Variants in GMDS observed in about 807,000 individuals in gnomAD.
The protein encoded by GMDS is GDP-mannose 4,6-dehydratase, also known as GDP-mannose 4,6 dehydratase.
A neutral mutation model predicts 49.9 loss-of-function variants in GMDS; 20 were observed. That is an observed-to-expected ratio of 0.40 (90% CI 0.28 to 0.58). GMDS has a LOEUF of 0.58. Ranked by LOEUF, GMDS falls within the 20% of genes least tolerant of loss-of-function variation. The probability of loss-of-function intolerance (pLI) is 0.42; values close to 1 mark genes in which losing one functional copy is unlikely to be tolerated. For missense variants in GMDS, 362 were observed against 481.4 expected (o/e 0.75, Z 2.32); for synonymous variants, 177 against 178.6 (o/e 0.99, Z 0.07).
At chr6:1,672,646 AGT>A (rs1764466478) in intron 9 of GMDS, among the ~76,000 whole-genome samples, 1 of 152,236 alleles carries the variant, frequency 6.6e-6, no homozygotes, top group Non-Finnish European at 1.5e-5. Context: ...TTCACCCGGG[AGT>A]ACAGAGAGAA....
At chr6:2,000,512 G>A (rs1766740718) in intron 4 of GMDS, among the ~76,000 whole-genome samples, 1 of 151,870 alleles carries the variant, frequency 6.6e-6, no homozygotes, top group Non-Finnish European at 1.5e-5. Context: ...TACCTATTTT[G>A]GACATTTCAT....
intron 1 of GMDS, among the ~76,000 whole-genome samples, chr6:2,199,420 G>T (rs948784654): frequency 3.9e-5 from 6 of 152,092 alleles, no homozygotes; most frequent in Admixed American, 1.3e-4. Flanking sequence ...ATTTCTAATG[G>T]AATAAAATAT....
chr6:2,209,000 C>G (rs765905610), intron 1 of GMDS, among the ~76,000 whole-genome samples: 2 of 152,166 alleles, frequency 1.3e-5, no homozygotes, highest in Admixed American at 6.5e-5. Context: ...TTAGAAACCT[C>G]TTCCATCACT....
At chr6:1,672,642 C>CGGG (rs1764466399) in intron 9 of GMDS, among the ~76,000 whole-genome samples, 1 of 152,194 alleles carries the variant, frequency 6.6e-6, no homozygotes, top group Non-Finnish European at 1.5e-5. Flanking sequence ...AGGGTTCACC[C>CGGG]GGGAGTACAG....
chr6:1,885,948 G>T (rs757637290), intron 7 of GMDS, among the ~76,000 whole-genome samples: 22 of 152,176 alleles, frequency 1.4e-4, no homozygotes, highest in East Asian at 1.9e-4. Flanking sequence ...TCTGATTACT[G>T]CTGTCTGTAG....
At chr6:1,819,774 A>ATATATATATATAT (rs1554123170) in intron 7 of GMDS, among the ~76,000 whole-genome samples, 112 of 123,768 alleles carry the variant, frequency 9.0e-4, no homozygotes, top group African/African-American at 3.0e-3. Context: ...AAAAAAAAAA[A>ATATATATATATAT]AAATATATAT....
At chr6:1,799,494 C>T (rs1258454505) in intron 7 of GMDS, among the ~76,000 whole-genome samples, 1 of 152,092 alleles carries the variant, frequency 6.6e-6, no homozygotes, top group Non-Finnish European at 1.5e-5. Flanking sequence ...TCAAGATATA[C>T]TTTTAAGTCT....
chr6:1,991,260 C>G (rs12198576), intron 4 of GMDS, among the ~76,000 whole-genome samples: 60,462 of 151,812 alleles, frequency 0.4, 12,248 homozygotes, highest in African/African-American at 0.47. Flanking sequence ...TCCCAGGCCC[C>G]GACTCCCAGG....
intron 6 of GMDS, among the ~76,000 whole-genome samples, chr6:1,952,627 G>A (rs1167949069): frequency 1.3e-5 from 2 of 152,014 alleles, no homozygotes; most frequent in Non-Finnish European, 2.9e-5. Context: ...AGCGCTCCTG[G>A]GGGAAGAAGG....
intron 6 of GMDS, among the ~76,000 whole-genome samples, chr6:1,947,371 G>A (rs1214257106): frequency 6.6e-6 from 1 of 152,166 alleles, no homozygotes; most frequent in African/African-American, 2.4e-5. Context: ...CAAATTAACT[G>A]TTAGGGTCAT....
intron 4 of GMDS, among the ~76,000 whole-genome samples, chr6:2,079,135 C>A (rs745412971): frequency 5.7e-5 from 8 of 139,156 alleles, no homozygotes; most frequent in Non-Finnish European, 9.2e-5. Context: ...GTAATTTTTT[C>A]CATTCCTTTA....
chr6:1,660,160 C>T (rs1216517896), intron 9 of GMDS, among the ~76,000 whole-genome samples: 1 of 152,050 alleles, frequency 6.6e-6, no homozygotes, highest in Non-Finnish European at 1.5e-5. Context: ...CTAAAGCATT[C>T]CTGGAAAGCC....
At chr6:2,212,863 T>C (rs1005711163) in intron 1 of GMDS, among the ~76,000 whole-genome samples, 7 of 152,162 alleles carry the variant, frequency 4.6e-5, no homozygotes, top group Non-Finnish European at 8.8e-5. Flanking sequence ...AAGGGCAGTA[T>C]TTTCTGAATG....
chr6:2,092,948 A>T (rs1268097835), intron 4 of GMDS, among the ~76,000 whole-genome samples: 1 of 152,222 alleles, frequency 6.6e-6, no homozygotes, highest in Non-Finnish European at 1.5e-5. Context: ...AGAAATATGA[A>T]GGAGTATGTG....
At chr6:1,665,400 G>T (rs1764206920) in intron 9 of GMDS, among the ~76,000 whole-genome samples, 2 of 152,328 alleles carry the variant, frequency 1.3e-5, no homozygotes, top group Middle Eastern at 6.8e-3. Flanking sequence ...TTGCTTTAAA[G>T]AGATTTGTTT....
intron 7 of GMDS, among the ~76,000 whole-genome samples, chr6:1,847,466 T>A (rs539541004): frequency 1.3e-5 from 2 of 152,322 alleles, no homozygotes; most frequent in East Asian, 3.9e-4. Context: ...GCCTATTCAG[T>A]CTGTCTTGGA....
At chr6:1,743,385 CA>C (rs545641147) in intron 7 of GMDS, among the ~76,000 whole-genome samples, 3 of 120,406 alleles carry the variant, frequency 2.5e-5, no homozygotes, top group South Asian at 3.4e-4. Flanking sequence ...ACTAAAAATA[CA>C]AAAAAAATTA....
chr6:1,747,554 C>T (rs377498792), intron 7 of GMDS, among the ~76,000 whole-genome samples: 18 of 151,756 alleles, frequency 1.2e-4, no homozygotes, highest in African/African-American at 4.4e-4. Context: ...TATGAAATAA[C>T]TCTAATAAAA....
At chr6:1,743,470 G>A (rs1767359204) in intron 7 of GMDS, among the ~76,000 whole-genome samples, 1 of 148,414 alleles carries the variant, frequency 6.7e-6, no homozygotes, top group African/African-American at 2.5e-5. Context: ...GTGAACCCGG[G>A]AGGCGGAGCT....
Sources: allele counts gnomAD v4.1 joint callset (sites outside exome capture counted in the v4.1 genomes callset), GRCh38; gene constraint gnomAD v4.1.1; transcripts MANE v1.5; gene names NCBI Gene and HGNC (gene_info 2026-07-23, HGNC 2026-07-21).